The following BMPR1B variants were observed in gnomAD, a reference collection of about 807,000 sequenced individuals.
BMPR1B encodes the protein bone morphogenetic protein receptor type-1B.
Under a neutral mutation model 59.1 loss-of-function variants are expected in BMPR1B, and 12 were observed. That is an observed-to-expected ratio of 0.20 (90% CI 0.13 to 0.33). The LOEUF (loss-of-function observed/expected upper bound fraction) is 0.33. BMPR1B is among the 10% of genes least tolerant of loss of function. The pLI is 1.00. For synonymous variants in BMPR1B, 237 were observed against 207.3 expected, an observed-to-expected ratio of 1.14 and a Z score of -1.23; for missense variants, 550 against 610.9, an observed-to-expected ratio of 0.90 and a Z score of 1.05.
intron 1 of BMPR1B, among the ~76,000 whole-genome samples, chr4:94,783,489 G>A (rs186867650): frequency 6.6e-6 from 1 of 152,296 alleles, no homozygotes; most frequent in East Asian, 1.9e-4. Context: ...GTCCCTTTAA[G>A]TGAGAATTTT....
At chr4:95,140,358 G>A (rs3796443) in intron 10 of BMPR1B, among the ~76,000 whole-genome samples, 70,540 of 151,964 alleles carry the variant, frequency 0.46, 17,885 homozygotes, top group Admixed American at 0.59. Flanking sequence ...CATTCTGGAC[G>A]AAATCCCCCT....
chr4:94,874,320 A>G (rs1726628938), intron 1 of BMPR1B, among the ~76,000 whole-genome samples: 2 of 152,234 alleles, frequency 1.3e-5, no homozygotes, highest in South Asian at 4.1e-4. Flanking sequence ...TATATATCCA[A>G]CAGTGGAATT....
intron 11 of BMPR1B, among the ~76,000 whole-genome samples, chr4:95,150,881 A>C (rs1734989926): frequency 1.3e-5 from 2 of 152,196 alleles, no homozygotes; most frequent in African/African-American, 4.8e-5. Flanking sequence ...TGTGGAGAAT[A>C]ATGTCATCTC....
chr4:94,982,341 A>C (rs1721133220), intron 2 of BMPR1B, among the ~76,000 whole-genome samples: 1 of 152,188 alleles, frequency 6.6e-6, no homozygotes. Context: ...ATATTCAGAT[A>C]GGAATTAAAC....
chr4:94,915,263 T>C (rs1374697089), intron 2 of BMPR1B, among the ~76,000 whole-genome samples: 2 of 152,200 alleles, frequency 1.3e-5, no homozygotes, highest in East Asian at 3.9e-4. Context: ...TACATTTTTT[T>C]CTTCTTTGTT....
chr4:94,914,231 T>C (rs72887899), intron 2 of BMPR1B, among the ~76,000 whole-genome samples: 3,910 of 152,192 alleles, frequency 0.026, 155 homozygotes, highest in African/African-American at 0.089. Context: ...CGAAGATGCC[T>C]TCTAGATTTC....
intron 3 of BMPR1B, among the ~76,000 whole-genome samples, chr4:95,101,567 A>G (rs1261292615): frequency 6.6e-6 from 1 of 152,210 alleles, no homozygotes; most frequent in African/African-American, 2.4e-5. Context: ...GTTAAGCAGT[A>G]AAGCTTTGCT....
intron 1 of BMPR1B, among the ~76,000 whole-genome samples, chr4:94,820,907 A>C (rs1342599047): frequency 6.6e-6 from 1 of 152,210 alleles, no homozygotes; most frequent in African/African-American, 2.4e-5. Context: ...ATTCATAATA[A>C]TTAGAATAAT....
chr4:95,023,769 A>C (rs1456527952), intron 3 of BMPR1B, among the ~76,000 whole-genome samples: 1 of 152,220 alleles, frequency 6.6e-6, no homozygotes, highest in Non-Finnish European at 1.5e-5. Context: ...CCCACAAATA[A>C]AACAACAGAC....
Position 94,852,708 on chromosome 4 carries a change from C to T in BMPR1B, c.-182-23123C>T, listed in dbSNP as rs187784147. Among the ~76,000 whole-genome samples the T allele has an allele frequency of 9.4e-3, 1,426 of 152,060 alleles. 8 individuals carry two copies. The highest frequency in any genetic ancestry group is 0.016 in the Non-Finnish European group (1,055 of 67,974). ...ATCTTTTGATATCACTGTCTTATTT[C>T]TCCTCCTTAAAAAAAAGCCAGAGCA... On this transcript the variant is annotated intron_variant, in intron 1 of 12. Coordinates refer to ENST00000515059, the MANE Select transcript of BMPR1B (RefSeq NM_001203.3).
chr4:94,872,245 C>T (rs1258794643), intron 1 of BMPR1B, among the ~76,000 whole-genome samples: 2 of 151,872 alleles, frequency 1.3e-5, no homozygotes, highest in South Asian at 2.1e-4. Context: ...CTTGGAAATT[C>T]AGAAAAAAAT....
At chr4:94,825,693 A>T (rs1003628529) in intron 1 of BMPR1B, among the ~76,000 whole-genome samples, 5 of 152,202 alleles carry the variant, frequency 3.3e-5, no homozygotes, top group Non-Finnish European at 5.9e-5. Flanking sequence ...AGTTCTGGGG[A>T]GTAAAACAGA....
intron 1 of BMPR1B, among the ~76,000 whole-genome samples, chr4:94,792,883 A>G (rs1037976723): frequency 2.6e-5 from 4 of 152,228 alleles, no homozygotes; most frequent in African/African-American, 4.8e-5. Context: ...AAAGCAACAT[A>G]AAGAAATTCT....
intron 2 of BMPR1B, among the ~76,000 whole-genome samples, chr4:94,928,090 A>C (rs2149031192): frequency 6.6e-6 from 1 of 152,086 alleles, no homozygotes; most frequent in Admixed American, 6.6e-5. Flanking sequence ...ATATTGCTCT[A>C]GTAGGCGAAA....
intron 2 of BMPR1B, among the ~76,000 whole-genome samples, chr4:94,956,793 A>C (rs1483009341): frequency 7.4e-6 from 1 of 134,536 alleles, no homozygotes; most frequent in Non-Finnish European, 1.6e-5. Context: ...GTGTTGTTTA[A>C]AGAAAGAATT....
At chr4:95,106,815 T>G (rs1041509213) in intron 4 of BMPR1B, among the ~76,000 whole-genome samples, 1 of 152,070 alleles carries the variant, frequency 6.6e-6, no homozygotes, top group East Asian at 1.9e-4. Context: ...AAAACACTTA[T>G]TTTTCATTCA....
chr4:94,987,515 C>T (rs1165276174), intron 2 of BMPR1B, among the ~76,000 whole-genome samples: 1 of 152,002 alleles, frequency 6.6e-6, no homozygotes, highest in African/African-American at 2.4e-5. Context: ...ATATTCTCCT[C>T]TCCCATTGAG....
At chr4:94,776,553 C>A (rs985368580) in intron 1 of BMPR1B, among the ~76,000 whole-genome samples, 6 of 152,162 alleles carry the variant, frequency 3.9e-5, no homozygotes, top group African/African-American at 1.2e-4. Context: ...TCAGCAAATG[C>A]AATTATTTAG....
chr4:94,986,057 A>G (rs1473095859), intron 2 of BMPR1B, among the ~76,000 whole-genome samples: 1 of 152,138 alleles, frequency 6.6e-6, no homozygotes. Flanking sequence ...GGCAGTTTGT[A>G]TATATTTTTC....
Sources: gnomAD v4.1 joint callset for allele counts (sites outside exome capture counted in the v4.1 genomes callset) on GRCh38, gnomAD v4.1.1 for gene constraint, MANE v1.5 for transcripts, NCBI Gene and HGNC (gene_info 2026-07-23, HGNC 2026-07-21) for gene names.